Variants in PTPRM observed in about 807,000 individuals in gnomAD.
PTPRM encodes receptor-type tyrosine-protein phosphatase mu.
A neutral mutation model predicts 186.7 loss-of-function variants in PTPRM; 47 were observed. The ratio of observed to expected loss-of-function variants is 0.25; its 90% CI spans 0.20 to 0.32. The LOEUF is 0.32. PTPRM is among the 10% of genes least tolerant of loss of function. The pLI is 1.00. For synonymous variants in PTPRM, 668 were observed against 674.9 expected (o/e 0.99, Z 0.16); for missense variants, 1,494 against 1,865.0 (o/e 0.80, Z 3.66).
At chr18:8,094,319 G>T (rs2145422845) in intron 11 of PTPRM, among the ~76,000 whole-genome samples, 1 of 151,938 alleles carries the variant, frequency 6.6e-6, no homozygotes, top group Non-Finnish European at 1.5e-5. Context: ...GCAGCAGTGA[G>T]CTGTGATTAT....
At chr18:7,587,664 G>A (rs886553447) in intron 1 of PTPRM, among the ~76,000 whole-genome samples, 2 of 151,936 alleles carry the variant, frequency 1.3e-5, no homozygotes, top group African/African-American at 4.8e-5. Context: ...ATATGAAGAA[G>A]TCATTGGGAA....
At chr18:8,014,128 G>A (rs901407316) in intron 7 of PTPRM, among the ~76,000 whole-genome samples, 3 of 151,802 alleles carry the variant, frequency 2.0e-5, no homozygotes, top group Non-Finnish European at 2.9e-5. Context: ...CATTTAATTA[G>A]GATTTCAGGA....
chr18:7,698,341 A>G (rs1415108631), intron 1 of PTPRM, among the ~76,000 whole-genome samples: 1 of 152,216 alleles, frequency 6.6e-6, no homozygotes, highest in Non-Finnish European at 1.5e-5. Flanking sequence ...ACAGCTTTTC[A>G]GAGAAATACC....
At chr18:7,890,742 G>A (rs1167829338) in intron 3 of PTPRM, among the ~76,000 whole-genome samples, 1 of 152,042 alleles carries the variant, frequency 6.6e-6, no homozygotes, top group Non-Finnish European at 1.5e-5. Flanking sequence ...CTTATTTATA[G>A]TAAAGAAAAA....
intron 20 of PTPRM, among the ~76,000 whole-genome samples, chr18:8,308,888 C>T (rs548667379): frequency 1.3e-5 from 2 of 152,324 alleles, no homozygotes; most frequent in African/African-American, 4.8e-5. Context: ...GGCCTTTGTA[C>T]TGGTGAGCAC....
intron 6 of PTPRM, among the ~76,000 whole-genome samples, chr18:7,953,080 C>T (rs1410012523): frequency 1.3e-5 from 2 of 152,186 alleles, no homozygotes; most frequent in Non-Finnish European, 2.9e-5. Flanking sequence ...GAATGTCTGT[C>T]CCAATTATTT....
chr18:8,145,513 C>T (rs2146147764), intron 14 of PTPRM, among the ~76,000 whole-genome samples: 1 of 152,260 alleles, frequency 6.6e-6, no homozygotes, highest in African/African-American at 2.4e-5. Flanking sequence ...TGATGTTCCC[C>T]TCCCTGTGTC....
At chr18:7,855,159 C>A (rs974982902) in intron 2 of PTPRM, among the ~76,000 whole-genome samples, 1 of 152,132 alleles carries the variant, frequency 6.6e-6, no homozygotes, top group South Asian at 2.1e-4. Flanking sequence ...CAGCTGCTTG[C>A]TAACCTTCTG....
At chr18:8,277,218 CT>C (rs2094847100) in intron 19 of PTPRM, among the ~76,000 whole-genome samples, 1 of 152,058 alleles carries the variant, frequency 6.6e-6, no homozygotes, top group Non-Finnish European at 1.5e-5. Context: ...AAACTGTAAT[CT>C]TTTTTATTTT....
intron 14 of PTPRM, among the ~76,000 whole-genome samples, chr18:8,225,903 C>T (rs1438726797): frequency 6.6e-6 from 1 of 152,070 alleles, no homozygotes; most frequent in African/African-American, 2.4e-5. Context: ...GTCAAAGTAT[C>T]AGTAGCCTAA....
intron 1 of PTPRM, among the ~76,000 whole-genome samples, chr18:7,643,373 T>C (rs2038489402): frequency 6.6e-6 from 1 of 152,182 alleles, no homozygotes; most frequent in Non-Finnish European, 1.5e-5. Flanking sequence ...AGAGTCTCGC[T>C]CTGTTGACCA....
chr18:8,037,026 C>T (rs2086376506), intron 7 of PTPRM, among the ~76,000 whole-genome samples: 1 of 152,162 alleles, frequency 6.6e-6, no homozygotes. Flanking sequence ...TGAAAGAAAT[C>T]ATTCCCTAAG....
chr18:8,214,945 G>T (rs373293582), intron 14 of PTPRM, among the ~76,000 whole-genome samples: 1 of 152,190 alleles, frequency 6.6e-6, no homozygotes, highest in African/African-American at 2.4e-5. Flanking sequence ...GAGCCACTGC[G>T]CCTGGCCATC....
chr18:8,087,049 CA>C (rs2090469409), intron 10 of PTPRM, among the ~76,000 whole-genome samples: 1 of 151,890 alleles, frequency 6.6e-6, no homozygotes, highest in South Asian at 2.1e-4. Context: ...GACTTGGAAT[CA>C]AAAAATCTAG....
chr18:8,266,349 A>G (rs773109155), intron 19 of PTPRM, among the ~76,000 whole-genome samples: 1 of 109,976 alleles, frequency 9.1e-6, no homozygotes, highest in Non-Finnish European at 1.8e-5. Context: ...TTCACTGTAA[A>G]CCTTGCTACC....
chr18:7,736,260 G>T (rs773260314), intron 1 of PTPRM, among the ~76,000 whole-genome samples: 26 of 152,170 alleles, frequency 1.7e-4, no homozygotes, highest in Admixed American at 1.2e-3. Context: ...TATAGGTCTA[G>T]TTTTGGCAGA....
At chr18:8,026,468 T>G (rs1489121139) in intron 7 of PTPRM, among the ~76,000 whole-genome samples, 1 of 152,218 alleles carries the variant, frequency 6.6e-6, no homozygotes, top group African/African-American at 2.4e-5. Context: ...AGAAGTGTGT[T>G]GAACAATAAT....
intron 14 of PTPRM, among the ~76,000 whole-genome samples, chr18:8,212,567 G>T (rs1245441260): frequency 2.0e-5 from 3 of 152,130 alleles, no homozygotes; most frequent in African/African-American, 7.2e-5. Flanking sequence ...CTTTGTGGGG[G>T]GCCAAGGCAG....
intron 7 of PTPRM, among the ~76,000 whole-genome samples, chr18:7,980,652 G>A (rs2147436279): frequency 6.6e-6 from 1 of 152,236 alleles, no homozygotes; most frequent in East Asian, 1.9e-4. Flanking sequence ...TGAAAGCACT[G>A]GGATCACAGG....
Sources: gnomAD v4.1 joint callset for allele counts (sites outside exome capture counted in the v4.1 genomes callset) on GRCh38, gnomAD v4.1.1 for gene constraint, MANE v1.5 for transcripts, NCBI Gene and HGNC (gene_info 2026-07-23, HGNC 2026-07-21) for gene names.